HELZ2: variants seen among roughly 807,000 people sequenced by gnomAD.
HELZ2 encodes the protein 3'-5' exoribonuclease HELZ2.
Under a neutral mutation model 208.8 loss-of-function variants are expected in HELZ2, and 143 were observed. The ratio of observed to expected loss-of-function variants is 0.68; its 90% CI spans 0.60 to 0.79. The LOEUF is 0.79. Ranked by LOEUF, HELZ2 falls within the 30% of genes least tolerant of loss-of-function variation. HELZ2 has a pLI of 0.00. For missense variants in HELZ2, 3,690 were observed against 3,794.5 expected, an observed-to-expected ratio of 0.97 and a Z score of 0.72; for synonymous variants, 1,705 against 1,693.7, an observed-to-expected ratio of 1.01 and a Z score of -0.16.
intron 6 of HELZ2, 110 bp downstream of exon 7, chr20:63,566,734 C>G (rs1186388250): frequency 5.4e-6 from 6 of 1,118,944 alleles, no homozygotes; most frequent in Non-Finnish European, 7.6e-6. Flanking sequence ...ATACTGCAGC[C>G]CCCTCTTACA....
At chr20:63,564,260 G>A in exon 8 of HELZ2, 1 of 1,611,470 alleles carries the variant, frequency 6.2e-7, no homozygotes. Flanking sequence ...CATGATGTGG[G>A]CCGCGCGGAA....
intron 5 of HELZ2, chr20:63,567,926 C>T: frequency 1.7e-6 from 1 of 581,976 alleles, no homozygotes; most frequent in Non-Finnish European, 3.0e-6. Flanking sequence ...GCCACTGTCC[C>T]AGGCTCTTCC....
chr20:63,561,446 C>G, exon 13 of HELZ2: 1 of 1,610,704 alleles, frequency 6.2e-7, no homozygotes, highest in Non-Finnish European at 8.5e-7. Context: ...CTGCCGGATC[C>G]GGTGGTGCAG....
In HELZ2 at chr20:63,568,547, C is replaced by T. The variant is rs746020119; in HGVS notation, c.1541G>A (p.Arg514His). ...GGCCAGCTCCTGCTTGCGGTTGCCA[C>T]GCCGCAAGGGTGGGACAGACCAAGG... Residue 514 changes from arginine (R) to histidine (H), a missense_variant, in exon 5 of 19, where the codon CGT becomes CAT. Physicochemically the swap from Arg to His is conservative, Grantham distance 29. Coordinates refer to ENST00000467148, the Ensembl canonical transcript of HELZ2. 6.8e-5 allele frequency: 107 copies of T among 1,583,784 alleles called. No homozygotes were observed. Among genetic ancestry groups the T allele is most frequent in the Admixed American group, 9.2e-5 (5 of 54,494 alleles).
chr20:63,563,819 T>C, exon 8 of HELZ2: 1 of 1,600,510 alleles, frequency 6.2e-7, no homozygotes, highest in Non-Finnish European at 8.5e-7. Context: ...GGCCCACGTG[T>C]ACCAGTCCAC....
At chr20:63,566,353 G>C (rs2082956885) in intron 7 of HELZ2, 25 bp downstream of exon 8, 1 of 1,544,640 alleles carries the variant, frequency 6.5e-7, no homozygotes, top group Non-Finnish European at 8.7e-7. Flanking sequence ...GCAGCTGGCA[G>C]CACCTGGCCC....
exon 6 of HELZ2, chr20:63,567,492 G>C (rs1273739244): frequency 6.4e-7 from 1 of 1,556,968 alleles, no homozygotes; most frequent in Non-Finnish European, 8.7e-7. Flanking sequence ...CGTCGGTCAG[G>C]CAACAGTACT....
exon 8 of HELZ2, chr20:63,565,587 G>A (rs1456850065): frequency 6.2e-7 from 1 of 1,609,484 alleles, no homozygotes; most frequent in East Asian, 2.2e-5. Context: ...CTCTCGTCCA[G>A]AAGCTCCCGT....
chr20:63,560,754 G>A (rs1405883038), intron 15 of HELZ2, 41 bp downstream of exon 16: 37 of 1,604,992 alleles, frequency 2.3e-5, no homozygotes, highest in Non-Finnish European at 2.5e-5. Context: ...TGGCCCCCCA[G>A]GGGCTGCAGG....
chr20:63,564,782 G>C, exon 8 of HELZ2: 1 of 1,611,954 alleles, frequency 6.2e-7, no homozygotes. Context: ...GGCGCCCTGG[G>C]GGTCCACAGT....
rs868094971 is a variant in HELZ2 at position 63,563,142 on chromosome 20, C to T, written c.5680G>A (p.Gly1894Ser). The change falls in exon 8 of 19, where the codon GGC becomes AGC. Residue 1894 changes from glycine (G) to serine (S), a missense_variant. By Grantham distance (56) the Gly-to-Ser change is moderately conservative (BLOSUM62 0). Transcript: ENST00000467148. ...AGCTGAGGGCTCGGTACCAGGAAGC[C>T]GTGCTGCAGGCTGGTGCCGAGCTGC... is the stretch of plus-strand genomic sequence containing the variant. The T allele has an allele frequency of 1.1e-5, 18 of 1,594,850 alleles. No individual in the cohort carries two copies. The highest frequency in any genetic ancestry group is 2.3e-5 in the East Asian group (1 of 44,096).
At chr20:63,570,332 T>C in intron 3 of HELZ2, 172 bp downstream of exon 4, 1 of 716,724 alleles carries the variant, frequency 1.4e-6, no homozygotes, top group South Asian at 1.5e-5. Context: ...CCCCTGTCTC[T>C]AGGTGAGGAG....
At chr20:63,560,766 G>A (rs529564267) in intron 15 of HELZ2, 29 bp downstream of exon 16, 5 of 1,606,010 alleles carry the variant, frequency 3.1e-6, no homozygotes, top group East Asian at 2.2e-5. Context: ...GGCTGCAGGT[G>A]GGCTGGGGGC....
chr20:63,564,931 G>A, exon 8 of HELZ2: 1 of 1,611,340 alleles, frequency 6.2e-7, no homozygotes, highest in Non-Finnish European at 8.5e-7. Flanking sequence ...CGAGGATGCG[G>A]AGGCCCTGCT....
chr20:63,560,165 C>A lies in HELZ2; in HGVS notation c.7657+6G>T, dbSNP rs1366353561. ...CCCGGCCCCACCCACGAGCCCCCAG[C>A]CTCACCCTGGCTCTTGGTGATGGAG... On this transcript the variant is annotated splice_donor_region_variant and intron_variant, in intron 17 of 18. Coordinates refer to ENST00000467148, the Ensembl canonical transcript of HELZ2. 6.4e-7 allele frequency: 1 copy of A among 1,552,542 alleles called. No homozygotes were observed. Among genetic ancestry groups the A allele is most frequent in the Admixed American group, 1.9e-5 (1 of 52,178 alleles).
downstream of HELZ2, chr20:63,558,245 A>G (rs2082835905): frequency 6.6e-6 from 1 of 152,408 alleles, no homozygotes; most frequent in Admixed American, 6.5e-5. Context: ...GCGTGCGAGA[A>G]ACATACAGCC....
At position 63,563,332 on chromosome 20, in the gene HELZ2, C is replaced by T. The variant is rs895108307; in HGVS notation, c.5490G>A (p.Gln1830=). The T allele has an allele frequency of 7.1e-6, 11 of 1,540,174 alleles. No individual in the cohort carries two copies. The Admixed American group carries it at 2.1e-4, about 30-fold the overall frequency. ...GCTGCAGCTCCACCAGCTCCAGCAG[C>T]TGCTTCCACAGGGCCGTCTCCACGG... The change falls in exon 8 of 19, where the codon CAG becomes CAA. Residue 1830 remains glutamine, a synonymous_variant. Transcript: ENST00000467148.
At position 63,561,967 on chromosome 20, in the gene HELZ2, C is replaced by G. The variant is rs756836448; in HGVS notation, c.6547G>C (p.Val2183Leu). ...AACCAGAATACGATGTGGAGGCCCA[C>G]GATCGTCTTCCCTGTACCTGCAGCC... is the stretch of plus-strand genomic sequence containing the variant. Residue 2183 changes from valine to leucine, a missense_variant, in exon 11 of 19, where the codon GTG becomes CTG. Coordinates refer to ENST00000467148, the Ensembl canonical transcript of HELZ2. The G allele has an allele frequency of 3.1e-6, 5 of 1,595,360 alleles. No individual in the cohort carries two copies. In the African/African-American group the frequency reaches 6.7e-5, roughly 21 times the overall value.
chr20:63,563,143 G>A (rs1325942933), exon 8 of HELZ2: 9 of 1,594,948 alleles, frequency 5.6e-6, no homozygotes, highest in South Asian at 2.2e-5. Flanking sequence ...CCAGGAAGCC[G>A]TGCTGCAGGC....
Sources: allele counts gnomAD v4.1 joint callset, GRCh38; gene constraint gnomAD v4.1.1; transcripts MANE v1.5; gene names NCBI Gene and HGNC (gene_info 2026-07-23, HGNC 2026-07-21).